COL5A2: variants seen among roughly 807,000 people sequenced by gnomAD.
COL5A2 encodes collagen type V alpha 2 chain, also known as collagen alpha-2(V) chain.
In COL5A2, 23 loss-of-function variants were observed where a neutral mutation model predicts 208.2. That is an observed-to-expected ratio of 0.11 (90% CI 0.08 to 0.16). COL5A2 has a LOEUF of 0.16. COL5A2 is among the 10% of genes least tolerant of loss of function. The pLI, the probability that COL5A2 is intolerant of heterozygous loss-of-function variation, is 1.00. For missense variants in COL5A2, 1,590 were observed against 1,956.4 expected, an observed-to-expected ratio of 0.81 and a Z score of 3.53; for synonymous variants, 625 against 628.5, an observed-to-expected ratio of 0.99 and a Z score of 0.08.
At chr2:189,434,435 T>C in the COL5A2 span, among the ~76,000 whole-genome samples, 3 of 152,238 alleles carry the variant, frequency 2.0e-5, no homozygotes, top group East Asian at 1.9e-4. Flanking sequence ...AAAACCCCAT[T>C]GTCTCAGCCC....
the COL5A2 span, among the ~76,000 whole-genome samples, chr2:189,291,824 T>C: frequency 6.6e-6 from 1 of 152,126 alleles, no homozygotes. Context: ...CTTGCTCTAT[T>C]CTATACTGGT....
At chr2:189,079,534 T>C (rs1331420941) in intron 14 of COL5A2, among the ~76,000 whole-genome samples, 2 of 152,184 alleles carry the variant, frequency 1.3e-5, no homozygotes, top group East Asian at 3.8e-4. Flanking sequence ...CACTAGAAAT[T>C]CCTTTATACT....
chr2:189,034,719 T>C (rs1473478075), intron 53 of COL5A2, among the ~76,000 whole-genome samples, 197 bp downstream of exon 53: 1 of 152,180 alleles, frequency 6.6e-6, no homozygotes, highest in African/African-American at 2.4e-5. Context: ...GTTCTTTCTT[T>C]ACTATATGGA....
the COL5A2 span, among the ~76,000 whole-genome samples, chr2:189,425,833 G>A: frequency 6.6e-6 from 1 of 152,052 alleles, no homozygotes; most frequent in Admixed American, 6.6e-5. Context: ...TCCTGCTCCT[G>A]CCATGTAAGA....
chr2:189,255,814 G>A, the COL5A2 span, among the ~76,000 whole-genome samples: 2 of 152,100 alleles, frequency 1.3e-5, no homozygotes, highest in Admixed American at 1.3e-4. Flanking sequence ...AAAATGGAAA[G>A]AACTAATCAT....
chr2:189,148,244 C>T lies in COL5A2; in HGVS notation c.97+31264G>A, dbSNP rs368592603. On this transcript the variant is annotated intron_variant, in intron 1 of 53. Coordinates refer to ENST00000374866, the MANE Select transcript of COL5A2 (RefSeq NM_000393.5). ...CCAAGCAAGATGCTAGTTTTATAGG[C>T]CAACAATTATTTGTCAAGAAAAAAA... Among the ~76,000 whole-genome samples the T allele has an allele frequency of 8.5e-5, 13 of 152,048 alleles. No homozygotes were observed. In the East Asian group the frequency reaches 2.5e-3, roughly 29 times the overall value.
rs1200343532 is a variant in COL5A2, at chr2:189,033,530, A to C, written c.*540T>G. The C allele has an allele frequency of 2.5e-5, 4 of 161,634 alleles. No individual in the cohort carries two copies. Among genetic ancestry groups the C allele is most frequent in the Admixed American group, 2.3e-4 (4 of 17,118 alleles). The allele number at this position is 161,634 out of a possible 1,614,324, so 10.0% of individuals were successfully genotyped here. ...AAAGAGTCTCTATTATAGTTACACA[A>C]TATCAAGACATGCATGTAGGTCTCG... On this transcript the variant is annotated 3_prime_UTR_variant, in exon 54 of 54. Coordinates refer to ENST00000374866, the MANE Select transcript of COL5A2 (RefSeq NM_000393.5).
chr2:189,415,670 C>CT, the COL5A2 span, among the ~76,000 whole-genome samples: 15 of 149,140 alleles, frequency 1.0e-4, no homozygotes, highest in Non-Finnish European at 1.8e-4. Context: ...ATACATTTTT[C>CT]TTTTTTTTGG....
chr2:189,305,742 A>T, the COL5A2 span, among the ~76,000 whole-genome samples: 1 of 151,948 alleles, frequency 6.6e-6, no homozygotes, highest in South Asian at 2.1e-4. Context: ...CCTTGAAGAG[A>T]TCAACAGGCT....
At chr2:189,262,521 T>C in the COL5A2 span, among the ~76,000 whole-genome samples, 1 of 152,230 alleles carries the variant, frequency 6.6e-6, no homozygotes, top group East Asian at 1.9e-4. Context: ...AAACAGCATT[T>C]ATGGTTCACC....
At chr2:189,074,797 T>C (rs908730008) in intron 17 of COL5A2, among the ~76,000 whole-genome samples, 2 of 152,210 alleles carry the variant, frequency 1.3e-5, no homozygotes, top group African/African-American at 4.8e-5. Context: ...ATAATAACTT[T>C]AGTTCACATC....
chr2:189,348,866 T>G, the COL5A2 span, among the ~76,000 whole-genome samples: 1 of 152,198 alleles, frequency 6.6e-6, no homozygotes, highest in African/African-American at 2.4e-5. Flanking sequence ...TACTTTTTCT[T>G]TAGCTGTAGA....
chr2:189,128,177 G>C (rs1687644857), intron 1 of COL5A2, among the ~76,000 whole-genome samples: 1 of 151,986 alleles, frequency 6.6e-6, no homozygotes, highest in Admixed American at 6.6e-5. Context: ...CTAATTATAA[G>C]GCACCTTGAC....
the COL5A2 span, among the ~76,000 whole-genome samples, chr2:189,262,704 AT>A: frequency 1.3e-5 from 2 of 152,116 alleles, no homozygotes. Flanking sequence ...ATATAATCTA[AT>A]TAATCCCTAT....
the COL5A2 span, among the ~76,000 whole-genome samples, chr2:189,266,575 T>G: frequency 1.3e-5 from 2 of 152,102 alleles, no homozygotes; most frequent in African/African-American, 4.8e-5. Flanking sequence ...GGCAAATATC[T>G]AGATACAGAA....
intron 26 of COL5A2, 135 bp from the exon 27 acceptor site, chr2:189,063,405 G>A: frequency 2.6e-6 from 2 of 767,630 alleles, no homozygotes; most frequent in South Asian, 3.0e-5. Context: ...TAAAGAATCA[G>A]GACAGTTGAA....
chr2:189,103,923 T>C (rs1452932610), intron 3 of COL5A2, among the ~76,000 whole-genome samples: 1 of 152,022 alleles, frequency 6.6e-6, no homozygotes, highest in African/African-American at 2.4e-5. Context: ...CTTTCTTCCA[T>C]CAAATGTGTA....
the COL5A2 span, among the ~76,000 whole-genome samples, chr2:189,408,317 CA>C: frequency 6.6e-6 from 1 of 152,148 alleles, no homozygotes; most frequent in African/African-American, 2.4e-5. Context: ...CTGTACTGCC[CA>C]TTAAATATAA....
At chr2:189,059,832 G>A (rs910090021) in intron 31 of COL5A2, among the ~76,000 whole-genome samples, 1 of 151,630 alleles carries the variant, frequency 6.6e-6, no homozygotes, top group African/African-American at 2.4e-5. Flanking sequence ...TGATTCACCT[G>A]CCTCAGTCTC....
Sources: gnomAD v4.1 joint callset for allele counts (sites outside exome capture counted in the v4.1 genomes callset) on GRCh38, gnomAD v4.1.1 for gene constraint, MANE v1.5 for transcripts, NCBI Gene and HGNC (gene_info 2026-07-23, HGNC 2026-07-21) for gene names.